TANC2: variants seen among roughly 807,000 people sequenced by gnomAD.
The protein encoded by TANC2 is protein TANC2.
Under a neutral mutation model 210.5 loss-of-function variants are expected in TANC2, and 26 were observed. That is an observed-to-expected ratio of 0.12 (90% CI 0.09 to 0.17). The LOEUF is 0.17. TANC2 is among the 10% of genes least tolerant of loss of function. The probability of loss-of-function intolerance (pLI) is 1.00; values close to 1 mark genes in which losing one functional copy is unlikely to be tolerated. For missense variants in TANC2, 2,129 were observed against 2,608.9 expected, an observed-to-expected ratio of 0.82 and a Z score of 4.01; for synonymous variants, 931 against 967.1, an observed-to-expected ratio of 0.96 and a Z score of 0.69.
chr17:63,166,478 G>T (rs150397859), intron 5 of TANC2, among the ~76,000 whole-genome samples: 2 of 152,102 alleles, frequency 1.3e-5, no homozygotes, highest in Admixed American at 6.5e-5. Context: ...TCACTTAATC[G>T]TAGAAGCATA....
At chr17:63,048,484 G>A (rs780698818) in intron 2 of TANC2, among the ~76,000 whole-genome samples, 4 of 152,158 alleles carry the variant, frequency 2.6e-5, no homozygotes, top group African/African-American at 4.8e-5. Flanking sequence ...TTTGTATATG[G>A]TGTAAGGAAG....
At chr17:63,218,155 C>T (rs1184868338) in intron 7 of TANC2, among the ~76,000 whole-genome samples, 1 of 151,918 alleles carries the variant, frequency 6.6e-6, no homozygotes, top group Non-Finnish European at 1.5e-5. Flanking sequence ...TGTGATGGTA[C>T]ACACTTGTAG....
chr17:63,315,026 T>C (rs997268688), intron 10 of TANC2, among the ~76,000 whole-genome samples: 4 of 152,178 alleles, frequency 2.6e-5, no homozygotes, highest in Non-Finnish European at 5.9e-5. Flanking sequence ...GTTCTTCTTC[T>C]TATTTGCCAG....
chr17:63,206,999 C>G (rs2041735880), intron 7 of TANC2, among the ~76,000 whole-genome samples: 1 of 151,896 alleles, frequency 6.6e-6, no homozygotes, highest in Admixed American at 6.6e-5. Context: ...CAAAAATGAC[C>G]TGTCTTATAT....
At chr17:63,303,619 T>A (rs1302547418) in intron 9 of TANC2, among the ~76,000 whole-genome samples, 1 of 152,126 alleles carries the variant, frequency 6.6e-6, no homozygotes, top group Non-Finnish European at 1.5e-5. Context: ...TTCTCTGTAT[T>A]TCTTGAATTT....
At chr17:63,076,743 T>G (rs1465375935) in intron 3 of TANC2, among the ~76,000 whole-genome samples, 1 of 151,246 alleles carries the variant, frequency 6.6e-6, no homozygotes, top group Non-Finnish European at 1.5e-5. Context: ...CATAAAAGAG[T>G]GATATTATGA....
At chr17:63,134,704 A>G (rs564008602) in intron 4 of TANC2, among the ~76,000 whole-genome samples, 1 of 152,326 alleles carries the variant, frequency 6.6e-6, no homozygotes, top group African/African-American at 2.4e-5. Flanking sequence ...CCAAGCTTGG[A>G]AAAGTTAAAT....
chr17:63,142,086 C>T (rs1007368333), intron 4 of TANC2, among the ~76,000 whole-genome samples: 1 of 152,154 alleles, frequency 6.6e-6, no homozygotes, highest in Non-Finnish European at 1.5e-5. Flanking sequence ...AGTCTAGCCA[C>T]ATATATCTGA....
At chr17:63,237,205 G>A (rs2042644282) in intron 7 of TANC2, among the ~76,000 whole-genome samples, 1 of 151,968 alleles carries the variant, frequency 6.6e-6, no homozygotes, top group Admixed American at 6.6e-5. Context: ...GTTTTAAGTT[G>A]CATTTCTCTG....
chr17:63,327,055 A>T (rs535446125), intron 11 of TANC2, among the ~76,000 whole-genome samples: 2 of 152,344 alleles, frequency 1.3e-5, no homozygotes, highest in South Asian at 4.1e-4. Flanking sequence ...TGATTAAAAA[A>T]ATGGGCAAAG....
chr17:63,407,499 G>A (rs1334708128), intron 21 of TANC2, among the ~76,000 whole-genome samples: 3 of 152,188 alleles, frequency 2.0e-5, no homozygotes, highest in Non-Finnish European at 4.4e-5. Context: ...AGGCTCCGTA[G>A]CCATAGATTC....
intron 9 of TANC2, 42 bp downstream of exon 9, chr17:63,267,915 T>C (rs1157659440): frequency 1.3e-6 from 2 of 1,566,560 alleles, no homozygotes; most frequent in African/African-American, 1.4e-5. Context: ...CGGGAACAGA[T>C]GGAAATGGGC....
chr17:63,243,618 T>C (rs763102184), intron 8 of TANC2, among the ~76,000 whole-genome samples: 1 of 152,142 alleles, frequency 6.6e-6, no homozygotes, highest in Non-Finnish European at 1.5e-5. Flanking sequence ...GATATAAAGT[T>C]CATAGAAACA....
chr17:63,026,478 CAG>C (rs1277357565), intron 2 of TANC2, among the ~76,000 whole-genome samples: 1 of 152,000 alleles, frequency 6.6e-6, no homozygotes. Flanking sequence ...AATAAAGAGA[CAG>C]AGGATACACA....
intron 9 of TANC2, among the ~76,000 whole-genome samples, chr17:63,295,974 T>G (rs913979604): frequency 1.3e-5 from 2 of 152,116 alleles, no homozygotes; most frequent in African/African-American, 2.4e-5. Context: ...ATCTTTCTAT[T>G]TCCTGTTTCC....
At chr17:63,314,710 C>T in intron 10 of TANC2, 41 bp downstream of exon 10, 1 of 1,594,328 alleles carries the variant, frequency 6.3e-7, no homozygotes, top group Non-Finnish European at 8.5e-7. Flanking sequence ...TTCATTGGCG[C>T]TGAAGTTTTT....
chr17:63,263,928 A>G lies in TANC2; in HGVS notation c.1034-3820A>G, dbSNP rs76753276. Among the ~76,000 whole-genome samples the G allele has an allele frequency of 4.3e-3, 649 of 152,342 alleles. 6 individuals are homozygous for G. The highest frequency in any genetic ancestry group is 0.014 in the African/African-American group (565 of 41,570). ...GGTATATCACTCTGCTATTGGTACAATAATGCTGTGTAACAAACTATACGG... is the reference window on the plus strand; with the variant it reads ...GGTATATCACTCTGCTATTGGTACAGTAATGCTGTGTAACAAACTATACGG... On this transcript the variant is annotated intron_variant, in intron 8 of 27. Transcript: ENST00000689528.
At chr17:62,991,885 A>G (rs923815595) in intron 1 of TANC2, among the ~76,000 whole-genome samples, 1 of 152,008 alleles carries the variant, frequency 6.6e-6, no homozygotes, top group African/African-American at 2.4e-5. Flanking sequence ...TAATGTCTGG[A>G]TGGGTGGAGT....
intron 2 of TANC2, among the ~76,000 whole-genome samples, chr17:63,064,384 A>G (rs2036118183): frequency 6.6e-6 from 1 of 152,210 alleles, no homozygotes; most frequent in Non-Finnish European, 1.5e-5. Flanking sequence ...ACTTGAGCCC[A>G]GGAGCTCAAA....
Sources: allele counts gnomAD v4.1 joint callset (sites outside exome capture counted in the v4.1 genomes callset), GRCh38; gene constraint gnomAD v4.1.1; transcripts MANE v1.5; gene names NCBI Gene and HGNC (gene_info 2026-07-23, HGNC 2026-07-21).